PRKN: variants seen among roughly 807,000 people sequenced by gnomAD.
PRKN encodes the protein parkin RBR E3 ubiquitin protein ligase, also known as E3 ubiquitin-protein ligase parkin.
A neutral mutation model predicts 59.5 loss-of-function variants in PRKN; 56 were observed. The ratio of observed to expected loss-of-function variants is 0.94; its 90% CI spans 0.76 to 1.18. The LOEUF (loss-of-function observed/expected upper bound fraction) is 1.18. PRKN is among the 50% of genes most tolerant of loss of function. PRKN has a pLI of 0.00. For missense variants in PRKN, 657 were observed against 596.4 expected, an observed-to-expected ratio of 1.10 and a Z score of -1.06; for synonymous variants, 250 against 222.1, an observed-to-expected ratio of 1.13 and a Z score of -1.12.
rs2115458099 is a variant in PRKN, at chr6:161,560,480, T to C, written c.933+8875A>G. ...CCCCTGATCTCCTGGATGCAGCCCCTCATTCTTGAAGACTGTAGCTTCAGG... is the reference window on the plus strand; with the variant it reads ...CCCCTGATCTCCTGGATGCAGCCCCCCATTCTTGAAGACTGTAGCTTCAGG... On this transcript the variant is annotated intron_variant, in intron 8 of 11. Coordinates refer to ENST00000366898, the MANE Select transcript of PRKN (RefSeq NM_004562.3). The surrounding 1 kb of genome is among the most constrained non-coding windows in gnomAD (Gnocchi z 4.9). Among the ~76,000 whole-genome samples, 1 of 152,220 alleles carries C rather than the reference T, an allele frequency of 6.6e-6. No individual in the cohort carries two copies. The highest frequency in any genetic ancestry group is 1.9e-4 in the East Asian group (1 of 5,164).
chr6:161,750,142 C>CACACACACACACACACAT (rs765990689), intron 7 of PRKN, among the ~76,000 whole-genome samples: 22 of 137,058 alleles, frequency 1.6e-4, no homozygotes, highest in African/African-American at 5.7e-4. Context: ...CACACACACA[C>CACACACACACACACACAT]ATATATAAAT....
Position 162,443,333 on chromosome 6 carries a change from G to C in PRKN, c.148C>G (p.Leu50Val), listed in dbSNP as rs1378857360. 6.2e-7 allele frequency: 1 copy of C among 1,612,682 alleles called. No individual in the cohort carries two copies. The highest frequency in any genetic ancestry group is 2.2e-5 in the East Asian group (1 of 44,856). The change falls in exon 2 of 12, where the codon CTG becomes GTG. Residue 50 changes from leucine (L) to valine (V), a missense_variant. Physicochemically the swap from Leu to Val is conservative, Grantham distance 32. Transcript: ENST00000366898. ...QLRVIFAGKELRNDWTVQNCD... is the reference protein window; with the variant it reads ...QLRVIFAGKEVRNDWTVQNCD... ...ACCTGCACAGTCCAGTCATTCCTCA[G>C]CTCCTTCCCTGCGAAAATCACACGC... is the stretch of plus-strand genomic sequence containing the variant.
chr6:162,540,554 G>C (rs1778888327), intron 1 of PRKN, among the ~76,000 whole-genome samples: 1 of 151,898 alleles, frequency 6.6e-6, no homozygotes, highest in African/African-American at 2.4e-5. Context: ...ATGTCCGTAA[G>C]CCCAGCACTC....
chr6:161,474,215 T>C (rs1790950045), intron 9 of PRKN, among the ~76,000 whole-genome samples: 1 of 152,180 alleles, frequency 6.6e-6, no homozygotes, highest in Non-Finnish European at 1.5e-5. Context: ...AGGAATGAAT[T>C]GGCTACTCCA....
intron 7 of PRKN, among the ~76,000 whole-genome samples, chr6:161,675,522 T>C (rs184283571): frequency 2.5e-4 from 38 of 152,330 alleles, no homozygotes; most frequent in Admixed American, 2.2e-3. Flanking sequence ...CAAAGACAAC[T>C]GTGATGCTGT....
chr6:161,774,149 C>A (rs1179033800), intron 7 of PRKN, among the ~76,000 whole-genome samples: 1 of 152,226 alleles, frequency 6.6e-6, no homozygotes, highest in Non-Finnish European at 1.5e-5. Context: ...TCCTACAGCT[C>A]TTTTTCTGGT....
At chr6:162,674,917 C>A (rs1179256856) in intron 1 of PRKN, among the ~76,000 whole-genome samples, 1 of 152,078 alleles carries the variant, frequency 6.6e-6, no homozygotes, top group East Asian at 1.9e-4. Context: ...ACAGGAAAGT[C>A]AAAAACGATT....
intron 4 of PRKN, among the ~76,000 whole-genome samples, chr6:162,142,698 G>A (rs1781840709): frequency 6.6e-6 from 1 of 152,168 alleles, no homozygotes; most frequent in African/African-American, 2.4e-5. Context: ...AACAGTAACA[G>A]AATCAGTATT....
At chr6:161,637,814 G>A (rs9458322) in intron 7 of PRKN, among the ~76,000 whole-genome samples, 4,976 of 152,200 alleles carry the variant, frequency 0.033, 281 homozygotes, top group African/African-American at 0.11. Context: ...TTACTTGAGA[G>A]CAAATAGCTG....
At chr6:162,359,883 GAACA>G (rs1353106532) in intron 2 of PRKN, among the ~76,000 whole-genome samples, 1 of 152,050 alleles carries the variant, frequency 6.6e-6, no homozygotes, top group East Asian at 1.9e-4. Context: ...ATATTCTACA[GAACA>G]AATATGCCAT....
intron 5 of PRKN, among the ~76,000 whole-genome samples, chr6:162,013,415 C>G (rs1032722368): frequency 6.6e-6 from 1 of 151,958 alleles, no homozygotes; most frequent in African/African-American, 2.4e-5. Flanking sequence ...CGGCTCCAAC[C>G]CCAGAATCAA....
chr6:162,172,390 T>C (rs79502250), intron 4 of PRKN, among the ~76,000 whole-genome samples: 1,609 of 152,284 alleles, frequency 0.011, 27 homozygotes, highest in African/African-American at 0.037. Context: ...TGTTCCATTG[T>C]TTCGCATGCA....
chr6:161,606,029 T>C (rs964143730), intron 7 of PRKN, among the ~76,000 whole-genome samples: 1 of 151,998 alleles, frequency 6.6e-6, no homozygotes, highest in Admixed American at 6.6e-5. Context: ...GAGGTGGAGA[T>C]GGGGGTTCGA....
At chr6:161,932,703 T>C (rs1311638310) in intron 6 of PRKN, among the ~76,000 whole-genome samples, 1 of 152,262 alleles carries the variant, frequency 6.6e-6, no homozygotes, top group African/African-American at 2.4e-5. Context: ...AGAATGCTTA[T>C]GTACAACACA....
chr6:162,420,216 T>C (rs146471713), intron 2 of PRKN, among the ~76,000 whole-genome samples: 183 of 148,712 alleles, frequency 1.2e-3, no homozygotes, highest in East Asian at 0.011. Context: ...TAGATTCTCA[T>C]AAGGAGCGTG....
intron 4 of PRKN, among the ~76,000 whole-genome samples, chr6:162,080,669 C>A (rs950151518): frequency 6.6e-6 from 1 of 152,068 alleles, no homozygotes; most frequent in Non-Finnish European, 1.5e-5. Flanking sequence ...GCAGGTCTTG[C>A]GTCGATGCTG....
chr6:162,722,964 A>C (rs944120177), intron 1 of PRKN, among the ~76,000 whole-genome samples: 1 of 152,214 alleles, frequency 6.6e-6, no homozygotes, highest in African/African-American at 2.4e-5. Flanking sequence ...CATTATAAAC[A>C]GAAGCTTTGG....
intron 1 of PRKN, among the ~76,000 whole-genome samples, chr6:162,639,947 A>G (rs1404624356): frequency 6.6e-6 from 1 of 152,098 alleles, no homozygotes; most frequent in Admixed American, 6.6e-5. Context: ...TTTGATTTTT[A>G]TTATAGTCCT....
chr6:162,445,676 C>A (rs1438411197), intron 1 of PRKN, among the ~76,000 whole-genome samples: 3 of 103,248 alleles, frequency 2.9e-5, no homozygotes, highest in African/African-American at 7.6e-5. Flanking sequence ...CCCTGGGTGA[C>A]AGAGACCTTG....
Sources: gnomAD v4.1 joint callset for allele counts (sites outside exome capture counted in the v4.1 genomes callset) on GRCh38, gnomAD v4.1.1 for gene constraint, Gnocchi (gnomAD v3.1) non-coding constraint, MANE v1.5 for transcripts, NCBI Gene and HGNC (gene_info 2026-07-23, HGNC 2026-07-21) for gene names.